The following SSPN variants were observed in gnomAD, a reference collection of about 807,000 sequenced individuals.
SSPN encodes sarcospan, also known as K-ras oncogene-associated protein.
Under a neutral mutation model 19.1 loss-of-function variants are expected in SSPN, and 15 were observed. The ratio of observed to expected loss-of-function variants is 0.78; its 90% CI spans 0.52 to 1.21. The LOEUF is 1.21. SSPN is among the 50% of genes most tolerant of loss of function. The pLI is 0.00. For synonymous variants in SSPN, 147 were observed against 140.3 expected (o/e 1.05, Z -0.34); for missense variants, 291 against 314.0 (o/e 0.93, Z 0.55).
intron 1 of SSPN, chr12:26,124,938 C>G (rs1944350354): frequency 5.4e-6 from 4 of 741,854 alleles, no homozygotes; most frequent in Admixed American, 4.0e-5. Context: ...AGCAGTTGGT[C>G]CCCCCCCTCC....
chr12:26,175,899 T>G (rs1944680988), intron 1 of SSPN, among the ~76,000 whole-genome samples: 1 of 151,830 alleles, frequency 6.6e-6, no homozygotes, highest in Non-Finnish European at 1.5e-5. Context: ...TGCAGTAGCA[T>G]GATCTTGGCT....
intron 2 of SSPN, among the ~76,000 whole-genome samples, chr12:26,227,119 C>T (rs1945186183): frequency 6.6e-6 from 1 of 152,082 alleles, no homozygotes; most frequent in South Asian, 2.1e-4. Flanking sequence ...AACACTCTTC[C>T]TTATAGTGTA....
In SSPN at chr12:26,212,361, C is replaced by T. The variant is rs556374047; in HGVS notation, c.280-11932C>T. Among the ~76,000 whole-genome samples the T allele has an allele frequency of 6.6e-5, 10 of 152,250 alleles. No individual in the cohort carries two copies. The South Asian group carries it at 1.9e-3, about 28-fold the overall frequency. ...GAGCAAGTGTCTTTTCTCTTTAGAT[C>T]CTGAAAGGAAATACTTTTCTGTGAT... On this transcript the variant is annotated intron_variant, in intron 1 of 2. Transcript: ENST00000242729.
chr12:26,177,931 A>G (rs535821087), intron 1 of SSPN, among the ~76,000 whole-genome samples: 1 of 152,238 alleles, frequency 6.6e-6, no homozygotes, highest in South Asian at 2.1e-4. Context: ...AATTCCATAT[A>G]TTCTCATATG....
At chr12:26,213,655 G>A (rs759280562) in intron 1 of SSPN, among the ~76,000 whole-genome samples, 5 of 151,906 alleles carry the variant, frequency 3.3e-5, no homozygotes, top group African/African-American at 4.8e-5. Context: ...AGCCAGCAAG[G>A]CTCTCAAACA....
rs928002708 is a variant in SSPN, at chr12:26,195,736, G to T, written c.64G>T (p.Ala22Ser). Residue 22 changes from alanine (A) to serine (S), a missense_variant, in exon 1 of 3, where the codon GCT becomes TCT. Around this residue, in one of 3 missense-constraint regions of SSPN, gnomAD observed 139 missense variants for 119.6 expected, o/e 1.16. Coordinates refer to ENST00000242729, the MANE Select transcript of SSPN (RefSeq NM_005086.5). The part of the protein sequence containing the change: ...RQGGPPAADA[A>S]GPDDMEPKKG... Reference sequence around the variant, plus strand: ...GGGGGGCCCGCCGGCCGCGGACGCCGCTGGGCCCGACGACATGGAGCCGAA... The same window carrying T: ...GGGGGGCCCGCCGGCCGCGGACGCCTCTGGGCCCGACGACATGGAGCCGAA... The T allele has an allele frequency of 7.6e-7, 1 of 1,320,906 alleles. No homozygotes were observed. The highest frequency in any genetic ancestry group is 9.8e-7 in the Non-Finnish European group (1 of 1,023,044). The allele number at this position is 1,320,906 out of a possible 1,614,324, so 81.8% of individuals were successfully genotyped here.
intron 1 of SSPN, among the ~76,000 whole-genome samples, chr12:26,181,559 A>T (rs1273134303): frequency 6.6e-6 from 1 of 152,254 alleles, no homozygotes; most frequent in African/African-American, 2.4e-5. Flanking sequence ...ATCAGTTTAC[A>T]AAAGGCAGTT....
intron 1 of SSPN, chr12:26,122,714 C>T (rs539462331): frequency 4.4e-6 from 7 of 1,586,574 alleles, no homozygotes; most frequent in Non-Finnish European, 6.0e-6. Flanking sequence ...CGGGAGGCTC[C>T]TGCTTGATGG....
At chr12:26,133,863 A>G (rs1165914441) in intron 1 of SSPN, among the ~76,000 whole-genome samples, 1 of 152,198 alleles carries the variant, frequency 6.6e-6, no homozygotes, top group Non-Finnish European at 1.5e-5. Flanking sequence ...TTATTATGCA[A>G]TGAGGACAGA....
rs1328850779 is a variant in SSPN, at chr12:26,218,337, G to T, written c.280-5956G>T. Among the ~76,000 whole-genome samples the T allele has an allele frequency of 8.2e-3, 118 of 14,308 alleles. 11 individuals carry two copies. Among genetic ancestry groups the T allele is most frequent in the African/African-American group, 0.033 (111 of 3,354 alleles). The allele number at this position is 14,308 out of a possible 152,430, so 9.4% of individuals were successfully genotyped here. On this transcript the variant is annotated intron_variant, in intron 1 of 2. Coordinates refer to ENST00000242729, the MANE Select transcript of SSPN (RefSeq NM_005086.5). Reference sequence around the variant, plus strand: ...TGTTGTGGGGTGGGGGGAGGGGGGAGGGGGGAGGGGGGAGGGGGGAGGGAT... The same window carrying T: ...TGTTGTGGGGTGGGGGGAGGGGGGATGGGGGAGGGGGGAGGGGGGAGGGAT...
chr12:26,169,279 C>A (rs899483979), intron 1 of SSPN, among the ~76,000 whole-genome samples: 6 of 152,000 alleles, frequency 3.9e-5, no homozygotes, highest in African/African-American at 1.2e-4. Flanking sequence ...GTTGTCCATA[C>A]AAATTGCCTG....
Position 26,220,777 on chromosome 12 carries a change from C to G in SSPN, c.280-3516C>G, listed in dbSNP as rs377757328. 3.9e-4 allele frequency among the ~76,000 whole-genome samples: 59 copies of G among 152,286 alleles called. No homozygotes were observed. The East Asian group carries it at 9.4e-3, about 24-fold the overall frequency. On this transcript the variant is annotated intron_variant, in intron 1 of 2. Coordinates refer to ENST00000242729, the MANE Select transcript of SSPN (RefSeq NM_005086.5). ...TTAAATGTCCACACCACCCACCTGG[C>G]AGCACCTTCCTGATCTCTCCCTCTC...
At chr12:26,219,533 G>C (rs1013560759) in intron 1 of SSPN, among the ~76,000 whole-genome samples, 2 of 152,160 alleles carry the variant, frequency 1.3e-5, no homozygotes, top group Non-Finnish European at 2.9e-5. Flanking sequence ...TAACTTTCTA[G>C]CTCACAAGAG....
chr12:26,176,272 T>C (rs1944683317), intron 1 of SSPN, among the ~76,000 whole-genome samples: 1 of 152,260 alleles, frequency 6.6e-6, no homozygotes. Context: ...TCAGCCACGC[T>C]ATCTTTCAAC....
rs376420129 is a variant in SSPN at position 26,230,709 on chromosome 12, A to G, written c.367-2A>G. On this transcript the variant is annotated splice_acceptor_variant, in intron 2 of 2. Transcript: ENST00000242729. LOFTEE classifies it high-confidence loss of function. ...GAAAGGTTTTCTTCTGCTTTCTTGC[A>G]GCTGTTATACTTTCTGCTGAGTGCC... 4.3e-5 allele frequency: 69 copies of G among 1,592,744 alleles called. No homozygotes were observed. The highest frequency in any genetic ancestry group is 5.8e-5 in the Non-Finnish European group (68 of 1,166,092).
At chr12:26,230,534 A>G (rs980071903) in intron 2 of SSPN, among the ~76,000 whole-genome samples, 177 bp from the exon 3 acceptor site, 1 of 152,232 alleles carries the variant, frequency 6.6e-6, no homozygotes, top group Non-Finnish European at 1.5e-5. Context: ...ACTACCCACT[A>G]ATAAATAAAC....
intron 1 of SSPN, among the ~76,000 whole-genome samples, chr12:26,212,152 A>G (rs2137482003): frequency 6.6e-6 from 1 of 152,318 alleles, no homozygotes; most frequent in African/African-American, 2.4e-5. Context: ...CTGCTTTTGC[A>G]TTATAATTTA....
chr12:26,230,850 C>T lies in SSPN; in HGVS notation c.506C>T (p.Ser169Leu), dbSNP rs867658451. ...TCTTGCCAGTGCAAACTGCCCTCCT[C>T]GGAGCCGCTCAGCAGGACCTTTGTT... ...LDSCQCKLPS[S>L]EPLSRTFVYR... Residue 169 changes from serine (S) to leucine (L), a missense_variant, in exon 3 of 3, where the codon TCG becomes TTG. Coordinates refer to ENST00000242729, the MANE Select transcript of SSPN (RefSeq NM_005086.5). 5 of 1,614,216 alleles carry T rather than the reference C, an allele frequency of 3.1e-6. No individual in the cohort carries two copies. The highest frequency in any genetic ancestry group is 1.7e-5 in the Admixed American group (1 of 60,030).
chr12:26,201,144 A>G (rs1331509334), intron 1 of SSPN, among the ~76,000 whole-genome samples: 5 of 150,536 alleles, frequency 3.3e-5, no homozygotes, highest in African/African-American at 7.3e-5. Context: ...TGGGAGGCCA[A>G]GGCAGGCAAA....
Sources: allele counts gnomAD v4.1 joint callset (sites outside exome capture counted in the v4.1 genomes callset), GRCh38; gene constraint gnomAD v4.1.1; regional missense constraint gnomAD v4.1.1; transcripts MANE v1.5; gene names NCBI Gene and HGNC (gene_info 2026-07-23, HGNC 2026-07-21).